Variants in HTR1A observed in about 807,000 individuals in gnomAD.
HTR1A encodes 5-hydroxytryptamine receptor 1A.
In HTR1A, 17 loss-of-function variants were observed where a neutral mutation model predicts 24.6. The observed-to-expected ratio is 0.69, with a 90% CI of 0.47 to 1.04. HTR1A has a LOEUF of 1.04. HTR1A is among the 50% of genes least tolerant of loss of function. The pLI, the probability that HTR1A is intolerant of heterozygous loss-of-function variation, is 0.00. For missense variants in HTR1A, 515 were observed against 565.1 expected (o/e 0.91, Z 0.90); for synonymous variants, 262 against 244.6 (o/e 1.07, Z -0.67).
rs1746450944 is a variant in HTR1A at position 63,961,990 on chromosome 5, G to A, written c.-271C>T. ...GAAAGCAGCTCCAGGATCTCCCGGC[G>A]GCGGAGAGGTGGCTGGAACGTCTGT... On this transcript the variant is annotated 5_prime_UTR_variant, in exon 1 of 1. Coordinates refer to ENST00000323865, the MANE Select transcript of HTR1A (RefSeq NM_000524.4). The A allele has an allele frequency of 3.7e-6, 2 of 544,762 alleles. No homozygotes were observed. The highest frequency in any genetic ancestry group is 3.1e-5 in the Admixed American group (1 of 31,954). 33.7% of individuals were successfully genotyped at this position (544,762 alleles called of 1,614,324 possible).
Position 63,960,566 on chromosome 5 carries a change from A to C in HTR1A, c.1154T>G (p.Ile385Ser). The change falls in exon 1 of 1, where the codon ATC becomes AGC. Residue 385 changes from isoleucine (I) to serine (S), a missense_variant. Physicochemically the swap from Ile to Ser is moderately radical, Grantham distance 142. Transcript: ENST00000323865. ...CHMPTLLGAI[I>S]NWLGYSNSLL... is the part of the protein sequence containing the mutation. ...AGAGTTGGAGTAGCCCAGCCAATTG[A>C]TTATGGCGCCCAACAGGGTGGGCAT... 6.2e-7 allele frequency: 1 copy of C among 1,614,214 alleles called. No homozygotes were observed. The highest frequency in any genetic ancestry group is 8.5e-7 in the Non-Finnish European group (1 of 1,180,036).
rs777505491 is a variant in HTR1A, at chr5:63,961,571, G to C, written c.149C>G (p.Ala50Gly). The stretch of plus-strand genomic sequence containing the variant: ...CACCACGCACGCATTGCCCAGCACC[G>C]CGCAGAAGATGAGCGTGCCCAGCAG... ...SLLLGTLIFCAVLGNACVVAA... is the reference protein window; with the variant it reads ...SLLLGTLIFCGVLGNACVVAA... The change falls in exon 1 of 1, where the codon GCG (alanine) becomes GGG (glycine). Residue 50 changes from alanine (A) to glycine (G), a missense_variant. Physicochemically the swap from Ala to Gly is moderately conservative, Grantham distance 60 (BLOSUM62 0). Coordinates refer to ENST00000323865, the MANE Select transcript of HTR1A (RefSeq NM_000524.4). 4 of 1,614,190 alleles carry C rather than the reference G, an allele frequency of 2.5e-6. No individual in the cohort carries two copies. Among genetic ancestry groups the C allele is most frequent in the Non-Finnish European group, 2.5e-6 (3 of 1,180,036 alleles).
Position 63,960,426 on chromosome 5 carries a change from C to T in HTR1A, c.*25G>A, listed in dbSNP as rs748918123. Reference sequence around the variant, plus strand: ...GTGAATGGGACGGATCCTGTAGCCTCGACTGGCCGGCTACTCCTCCGTCAT... The same window carrying T: ...GTGAATGGGACGGATCCTGTAGCCTTGACTGGCCGGCTACTCCTCCGTCAT... On this transcript the variant is annotated 3_prime_UTR_variant, in exon 1 of 1. Transcript: ENST00000323865. 6.2e-7 allele frequency: 1 copy of T among 1,611,942 alleles called. No homozygotes were observed.
At position 63,960,864 on chromosome 5, in the gene HTR1A, C is replaced by G. The variant is rs1366606163; in HGVS notation, c.856G>C (p.Asp286His). 2.5e-6 allele frequency: 4 copies of G among 1,614,098 alleles called. No individual in the cohort carries two copies. The South Asian group carries it at 3.3e-5, about 13-fold the overall frequency. Residue 286 changes from aspartate (D) to histidine (H), a missense_variant, in exon 1 of 1, where the codon GAT becomes CAT. Transcript: ENST00000323865. ...CANGAVRQGD[D>H]GAALEVIEVH... ...TCGATCACCTCCAGGGCGGCGCCAT[C>G]GTCACCTTGCCTCACCGCGCCATTG... is the stretch of plus-strand genomic sequence containing the variant.
chr5:63,960,351 A>T lies in HTR1A; in HGVS notation c.*100T>A. 1 of 1,211,030 alleles carries T rather than the reference A, an allele frequency of 8.3e-7. No individual in the cohort carries two copies. The highest frequency in any genetic ancestry group is 1.2e-6 in the Non-Finnish European group (1 of 815,944). 75.0% of individuals were successfully genotyped at this position (1,211,030 alleles called of 1,614,324 possible). A position where few individuals can be genotyped will look rare whatever the true frequency, so the allele number is the denominator to read the frequency against. On this transcript the variant is annotated 3_prime_UTR_variant, in exon 1 of 1. Coordinates refer to ENST00000323865, the MANE Select transcript of HTR1A (RefSeq NM_000524.4). ...TGAGCGGAGCAGAGAGAAAGAGGAGAAGTGGCGAATTATCTTAAGTGTTGA... is the reference window on the plus strand; with the variant it reads ...TGAGCGGAGCAGAGAGAAAGAGGAGTAGTGGCGAATTATCTTAAGTGTTGA...
rs909880397 is a variant in HTR1A, at chr5:63,958,406, G to T, written c.*2045C>A. Among the ~76,000 whole-genome samples the T allele has an allele frequency of 1.3e-5, 2 of 152,170 alleles. No individual in the cohort carries two copies. The highest frequency in any genetic ancestry group is 3.9e-4 in the East Asian group (2 of 5,194). Reference sequence around the variant, plus strand: ...ACCAAAGGAAAGCTTTGTTCAGTCTGACAAACAATAAAATGGCTTCAACTG... The same window carrying T: ...ACCAAAGGAAAGCTTTGTTCAGTCTTACAAACAATAAAATGGCTTCAACTG... On this transcript the variant is annotated 3_prime_UTR_variant, in exon 1 of 1. Transcript: ENST00000323865.
rs748155346 is a variant in HTR1A at position 63,961,564 on chromosome 5, C to T, written c.156G>A (p.Leu52=). Reference sequence around the variant, plus strand: ...TGGCAGCCACCACGCACGCATTGCCCAGCACCGCGCAGAAGATGAGCGTGC... The same window carrying T: ...TGGCAGCCACCACGCACGCATTGCCTAGCACCGCGCAGAAGATGAGCGTGC... ...LLGTLIFCAV[L]GNACVVAAIA... Residue 52 remains leucine, a synonymous_variant, in exon 1 of 1, where the codon CTG becomes CTA. Transcript: ENST00000323865. 2.5e-6 allele frequency: 4 copies of T among 1,614,092 alleles called. No individual in the cohort carries two copies. The highest frequency in any genetic ancestry group is 2.5e-6 in the Non-Finnish European group (3 of 1,180,054).
Position 63,960,736 on chromosome 5 carries a change from G to C in HTR1A, c.984C>G (p.Asn328Lys). 6.2e-7 allele frequency: 1 copy of C among 1,614,226 alleles called. No homozygotes were observed. Among genetic ancestry groups the C allele is most frequent in the Non-Finnish European group, 8.5e-7 (1 of 1,180,034 alleles). ...PASFERKNER[N>K]AEAKRKMALA... ...GGGCCATCTTGCGCTTCGCCTCGGCGTTGCGCTCATTTTTCCTCTCGAAAG... is the reference window on the plus strand; with the variant it reads ...GGGCCATCTTGCGCTTCGCCTCGGCCTTGCGCTCATTTTTCCTCTCGAAAG... The change falls in exon 1 of 1, where the codon AAC becomes AAG. Residue 328 changes from asparagine (N) to lysine (K), a missense_variant. Asn to Lys is a moderately conservative substitution (Grantham distance 94). This residue lies in a region of HTR1A where 381 missense variants were observed against 384.5 expected (regional missense o/e 0.99). Transcript: ENST00000323865.
At position 63,961,006 on chromosome 5, in the gene HTR1A, C is replaced by T. The variant is rs536132374; in HGVS notation, c.714G>A (p.Ala238=). The T allele has an allele frequency of 8.1e-6, 13 of 1,613,960 alleles. No homozygotes were observed. Among genetic ancestry groups the T allele is most frequent in the Non-Finnish European group, 1.1e-5 (13 of 1,180,040 alleles). Residue 238 remains alanine, a synonymous_variant, in exon 1 of 1, where the codon GCG becomes GCA. Transcript: ENST00000323865. ...CGGGAGATGCTCCATGGCGGGTGTCCGCTCCGGTCTTCTCCACCTTTTTGA... is the reference window on the plus strand; with the variant it reads ...CGGGAGATGCTCCATGGCGGGTGTCTGCTCCGGTCTTCTCCACCTTTTTGA... ...KTVKKVEKTG[A]DTRHGASPAP... is the part of the protein sequence containing the mutation.
At position 63,959,787 on chromosome 5, in the gene HTR1A, G is replaced by A. The variant is rs1746385010; in HGVS notation, c.*664C>T. 6.6e-6 allele frequency among the ~76,000 whole-genome samples: 1 copy of A among 152,236 alleles called. No homozygotes were observed. The highest frequency in any genetic ancestry group is 2.4e-5 in the African/African-American group (1 of 41,462). ...AATAGGGGTTGTGCACTGCACGAGA[G>A]AGTTAATCTCAAGTCTGCGAGAAGA... is the stretch of plus-strand genomic sequence containing the variant. On this transcript the variant is annotated 3_prime_UTR_variant, in exon 1 of 1. Coordinates refer to ENST00000323865, the MANE Select transcript of HTR1A (RefSeq NM_000524.4).
rs1223852313 is a variant in HTR1A at position 63,961,010 on chromosome 5, C to G, written c.710G>C (p.Gly237Ala). 2 of 1,614,112 alleles carry G rather than the reference C, an allele frequency of 1.2e-6. No homozygotes were observed. The highest frequency in any genetic ancestry group is 4.5e-5 in the East Asian group (2 of 44,862). Residue 237 changes from glycine (G) to alanine (A), a missense_variant, in exon 1 of 1, where the codon GGA (glycine) becomes GCA (alanine). Physicochemically the swap from Gly to Ala is moderately conservative, Grantham distance 60. Coordinates refer to ENST00000323865, the MANE Select transcript of HTR1A (RefSeq NM_000524.4). ...AGATGCTCCATGGCGGGTGTCCGCT[C>G]CGGTCTTCTCCACCTTTTTGACCGT... is the stretch of plus-strand genomic sequence containing the variant. ...RKTVKKVEKTGADTRHGASPA... is the reference protein window; with the variant it reads ...RKTVKKVEKTAADTRHGASPA...
At position 63,960,918 on chromosome 5, in the gene HTR1A, C is replaced by A. The variant is rs1426563131; in HGVS notation, c.802G>T (p.Glu268Ter). The change falls in exon 1 of 1, where the codon GAG (glutamate) becomes TAG (stop). Residue 268 changes from glutamate (E) to a stop codon, truncating the protein, a stop_gained. Transcript: ENST00000323865. LOFTEE classifies it high-confidence loss of function. ...CACAGAGCACCCCCAGCCTTGCTCT[C>A]CACGCCCAGCCTCCAGTTCCTGCTC... ...SGSRNWRLGV[E>*]SKAGGALCAN... 3.7e-6 allele frequency: 6 copies of A among 1,613,906 alleles called. No individual in the cohort carries two copies. The highest frequency in any genetic ancestry group is 5.1e-6 in the Non-Finnish European group (6 of 1,179,922).
Position 63,960,209 on chromosome 5 carries a change from G to T in HTR1A, c.*242C>A. 8.6e-6 allele frequency: 5 copies of T among 583,632 alleles called. No individual in the cohort carries two copies. In the South Asian group the frequency reaches 9.9e-5, roughly 12 times the overall value. The allele number at this position is 583,632 out of a possible 1,614,324, so 36.2% of individuals were successfully genotyped here. On this transcript the variant is annotated 3_prime_UTR_variant, in exon 1 of 1. Transcript: ENST00000323865. ...TACAGGCGAAGTCTGAGCCAATGTCGCTTCTCACAAACTCTCTGAATTTCC... is the reference window on the plus strand; with the variant it reads ...TACAGGCGAAGTCTGAGCCAATGTCTCTTCTCACAAACTCTCTGAATTTCC...
At position 63,959,992 on chromosome 5, in the gene HTR1A, C is replaced by A. The variant is rs1315967411; in HGVS notation, c.*459G>T. On this transcript the variant is annotated 3_prime_UTR_variant, in exon 1 of 1. Transcript: ENST00000323865. ...GGGCCACAGGGCGGGAGAGATGGAGCAAATTCCCAAACCTCAAGTCCAAGT... is the reference window on the plus strand; with the variant it reads ...GGGCCACAGGGCGGGAGAGATGGAGAAAATTCCCAAACCTCAAGTCCAAGT... 6.6e-6 allele frequency among the ~76,000 whole-genome samples: 1 copy of A among 152,188 alleles called. No individual in the cohort carries two copies. The highest frequency in any genetic ancestry group is 1.5e-5 in the Non-Finnish European group (1 of 68,028).
In HTR1A at chr5:63,960,300, G is replaced by C. The variant is rs1222686653; in HGVS notation, c.*151C>G. On this transcript the variant is annotated 3_prime_UTR_variant, in exon 1 of 1. Transcript: ENST00000323865. Reference sequence around the variant, plus strand: ...AGGGCCCTGCCGTGGAGCAGGAAGTGGGGAGGGGACCAGGTCTGCAAGCCG... The same window carrying C: ...AGGGCCCTGCCGTGGAGCAGGAAGTCGGGAGGGGACCAGGTCTGCAAGCCG... 1 of 839,650 alleles carries C rather than the reference G, an allele frequency of 1.2e-6. No individual in the cohort carries two copies. Among genetic ancestry groups the C allele is most frequent in the African/African-American group, 1.7e-5 (1 of 60,392 alleles). The allele number at this position is 839,650 out of a possible 1,614,324, so 52.0% of individuals were successfully genotyped here.
chr5:63,960,620 A>G lies in HTR1A; in HGVS notation c.1100T>C (p.Val367Ala). 1 of 1,614,272 alleles carries G rather than the reference A, an allele frequency of 6.2e-7. No individual in the cohort carries two copies. The highest frequency in any genetic ancestry group is 1.7e-5 in the Admixed American group (1 of 60,036). Residue 367 changes from valine to alanine, a missense_variant, in exon 1 of 1, where the codon GTT becomes GCT. Val to Ala is a moderately conservative substitution (Grantham distance 64). Around this residue, in one of 3 missense-constraint regions of HTR1A, gnomAD observed 381 missense variants for 384.5 expected, o/e 0.99. Coordinates refer to ENST00000323865, the MANE Select transcript of HTR1A (RefSeq NM_000524.4). The stretch of plus-strand genomic sequence containing the variant: ...GCAGCTGCTCTCGCAGAAGGGCAGA[A>G]CAAGAGCCACGATGAAGAAGGGCAG... The part of the protein sequence containing the change: ...CWLPFFIVAL[V>A]LPFCESSCHM...
At position 63,960,003 on chromosome 5, in the gene HTR1A, A is replaced by C. The variant is rs900606256; in HGVS notation, c.*448T>G. Among the ~76,000 whole-genome samples, 3 of 152,168 alleles carry C rather than the reference A, an allele frequency of 2.0e-5. No homozygotes were observed. Among genetic ancestry groups the C allele is most frequent in the African/African-American group, 2.4e-5 (1 of 41,438 alleles). ...CGGGAGAGATGGAGCAAATTCCCAA[A>C]CCTCAAGTCCAAGTTCTAGAAGTTG... On this transcript the variant is annotated 3_prime_UTR_variant, in exon 1 of 1. Coordinates refer to ENST00000323865, the MANE Select transcript of HTR1A (RefSeq NM_000524.4).
rs1426499064 is a variant in HTR1A, at chr5:63,959,882, C to A, written c.*569G>T. On this transcript the variant is annotated 3_prime_UTR_variant, in exon 1 of 1. Transcript: ENST00000323865. ...TTCCGCCTCTCCGGACCAGCAGATT[C>A]GTGCATAAGGATGGGCGAGGGCAGA... 6.6e-6 allele frequency among the ~76,000 whole-genome samples: 1 copy of A among 152,030 alleles called. No individual in the cohort carries two copies. Among genetic ancestry groups the A allele is most frequent in the Non-Finnish European group, 1.5e-5 (1 of 68,014 alleles).
In HTR1A at chr5:63,960,821, T is replaced by C. The variant is rs150096239; in HGVS notation, c.899A>G (p.Asn300Ser). 8.0e-5 allele frequency: 129 copies of C among 1,613,786 alleles called. No homozygotes were observed. In the African/African-American group the frequency reaches 1.5e-3, roughly 19 times the overall value. Residue 300 changes from asparagine (N) to serine (S), a missense_variant, in exon 1 of 1, where the codon AAC (asparagine) becomes AGC (serine). By Grantham distance (46) the Asn-to-Ser change is conservative (BLOSUM62 1). This residue lies in a region of HTR1A where 381 missense variants were observed against 384.5 expected (regional missense o/e 0.99). Coordinates refer to ENST00000323865, the MANE Select transcript of HTR1A (RefSeq NM_000524.4). ...LEVIEVHRVG[N>S]SKEHLPLPSE... ...GGGCAGAGGCAAGTGCTCTTTGGAG[T>C]TGCCCACTCGGTGCACCTCGATCAC...
Sources: allele counts gnomAD v4.1 joint callset (sites outside exome capture counted in the v4.1 genomes callset), GRCh38; gene constraint gnomAD v4.1.1; regional missense constraint gnomAD v4.1.1; transcripts MANE v1.5; gene names NCBI Gene and HGNC (gene_info 2026-07-23, HGNC 2026-07-21).